Variants in TSC2 observed in about 807,000 individuals in gnomAD.
The protein encoded by TSC2 is TSC complex subunit 2.
A neutral mutation model predicts 202.2 loss-of-function variants in TSC2; 29 were observed. The ratio of observed to expected loss-of-function variants is 0.14; its 90% CI spans 0.11 to 0.20. TSC2 has a LOEUF of 0.20. Ranked by LOEUF, TSC2 falls within the 10% of genes least tolerant of loss-of-function variation. The probability of loss-of-function intolerance (pLI) is 1.00; values close to 1 mark genes in which losing one functional copy is unlikely to be tolerated. For missense variants in TSC2, 2,429 were observed against 2,420.0 expected (o/e 1.00, Z -0.08); for synonymous variants, 1,349 against 1,044.0 (o/e 1.29, Z -5.63).
Position 2,084,989 on chromosome 16 carries a change from GCGA to G in TSC2, c.4536_4538del (p.Asp1512del). On this transcript the variant is annotated inframe_deletion, in exon 35 of 42. Transcript: ENST00000219476. Reference sequence around the variant, plus strand: ...CAGCTCTACCATTCCCCCTTCTTTGGCGACGAGTCAAACAAGCCAATCCTGCTG... The same window carrying G: ...CAGCTCTACCATTCCCCCTTCTTTGGCGAGTCAAACAAGCCAATCCTGCTG... The G allele has an allele frequency of 1.2e-6, 2 of 1,613,266 alleles. No individual in the cohort carries two copies. The highest frequency in any genetic ancestry group is 2.2e-5 in the South Asian group (2 of 91,086).
Position 2,062,974 on chromosome 16 carries a change from G to A in TSC2, c.1364G>A (p.Ser455Asn), listed in dbSNP as rs1567432782. 1 of 1,550,474 alleles carries A rather than the reference G, an allele frequency of 6.4e-7. No homozygotes were observed. Among genetic ancestry groups the A allele is most frequent in the Non-Finnish European group, 8.7e-7 (1 of 1,146,818 alleles). The change falls in exon 14 of 42, where the codon AGC (serine) becomes AAC (asparagine). Residue 455 changes from serine (S) to asparagine (N), a missense_variant and splice_region_variant. Coordinates refer to ENST00000219476, the MANE Select transcript of TSC2 (RefSeq NM_000548.5). ...CCCAGCAGGCTGCCGTCCCGCAGGA[G>A]CGAGTCCCGAGGCGCCGTGCGCATC... ...LQALMERFFR[S>N]ESRGAVRIKV...
At position 2,053,906 on chromosome 16, in the gene TSC2, G is replaced by A. The variant is rs561765513; in HGVS notation, c.337-390G>A. On this transcript the variant is annotated intron_variant, in intron 4 of 41. Transcript: ENST00000219476. ...GCCACTTCTACTCCTTCATGTCCCA[G>A]CTGCTCAGAAGGGCCGTCCACTCTC... The A allele has an allele frequency of 5.1e-5, 23 of 447,036 alleles. No individual in the cohort carries two copies. The East Asian group carries it at 1.0e-3, about 20-fold the overall frequency. The allele number at this position is 447,036 out of a possible 1,614,324, so 27.7% of individuals were successfully genotyped here. A position where few individuals can be genotyped will look rare whatever the true frequency, so the allele number is the denominator to read the frequency against.
chr16:2,055,618 C>T, intron 6 of TSC2, 99 bp downstream of exon 6: 2 of 1,127,218 alleles, frequency 1.8e-6, no homozygotes, highest in South Asian at 2.5e-5. Context: ...TTGGGCTGGG[C>T]ACAATGGCTC....
In TSC2 at chr16:2,088,647, T is replaced by C. The variant is rs1345394159; in HGVS notation, c.*37T>C. 5 of 1,583,284 alleles carry C rather than the reference T, an allele frequency of 3.2e-6. No homozygotes were observed. Among genetic ancestry groups the C allele is most frequent in the East Asian group, 2.3e-5 (1 of 43,770 alleles). On this transcript the variant is annotated 3_prime_UTR_variant, in exon 42 of 42. Transcript: ENST00000219476. The stretch of plus-strand genomic sequence containing the variant: ...TCCCTCCTGCACTGGCCTTGGACGG[T>C]ATTGCCTGTCAGTGAAATAAATAAA...
At chr16:2,073,364 C>T (rs953092722) in intron 21 of TSC2, among the ~76,000 whole-genome samples, 4 of 152,232 alleles carry the variant, frequency 2.6e-5, no homozygotes, top group African/African-American at 9.6e-5. Context: ...CCTCCACGCC[C>T]CATCAGGTGC....
chr16:2,070,595 T>C lies in TSC2; in HGVS notation c.1839+17T>C. On this transcript the variant is annotated intron_variant, in intron 17 of 41. Coordinates refer to ENST00000219476, the MANE Select transcript of TSC2 (RefSeq NM_000548.5). The stretch of plus-strand genomic sequence containing the variant: ...CGGCTGCAGGTATGGTGGCTGGGGT[T>C]GCGCAGCCAGTTCCTGGGGGCCCAG... 1 of 1,612,830 alleles carries C rather than the reference T, an allele frequency of 6.2e-7. No homozygotes were observed. The highest frequency in any genetic ancestry group is 8.5e-7 in the Non-Finnish European group (1 of 1,179,928).
At chr16:2,056,515 G>T in intron 7 of TSC2, 129 bp from the exon 8 acceptor site, 1 of 1,409,160 alleles carries the variant, frequency 7.1e-7, no homozygotes, top group Non-Finnish European at 9.6e-7. Context: ...GTGGCTTGGA[G>T]AGAGGGTGCC....
chr16:2,075,838 C>G lies in TSC2; in HGVS notation c.2585C>G (p.Ala862Gly), dbSNP rs45517249. 3 of 1,613,088 alleles carry G rather than the reference C, an allele frequency of 1.9e-6. No homozygotes were observed. Among genetic ancestry groups the G allele is most frequent in the South Asian group, 2.2e-5 (2 of 91,088 alleles). ...CCGCACCTCTACAGGAACTTTGCCG[C>G]GGAGCAGTATGCCAGTGTGTTCGCC... ...RLPHLYRNFA[A>G]EQYASVFAIS... Residue 862 changes from alanine (A) to glycine (G), a missense_variant, in exon 23 of 42, where the codon GCG (alanine) becomes GGG (glycine). Ala to Gly is a moderately conservative substitution (Grantham distance 60). Transcript: ENST00000219476.
intron 2 of TSC2, among the ~76,000 whole-genome samples, chr16:2,049,861 T>C (rs2084879610): frequency 6.6e-6 from 1 of 152,130 alleles, no homozygotes; most frequent in African/African-American, 2.4e-5. Flanking sequence ...TATTTCATGT[T>C]ATGTTTTATC....
rs773240506 is a variant in TSC2, at chr16:2,081,683, C to T, written c.3699C>T (p.Asn1233=). The change falls in exon 31 of 42, where the codon AAC becomes AAT. Residue 1233 remains asparagine, a synonymous_variant. Coordinates refer to ENST00000219476, the MANE Select transcript of TSC2 (RefSeq NM_000548.5). Reference sequence around the variant, plus strand: ...ACATGCCCCTGCAGGAGCTGTCTAACGCCCTCATGGCGGCTGAGCGCTTCA... The same window carrying T: ...ACATGCCCCTGCAGGAGCTGTCTAATGCCCTCATGGCGGCTGAGCGCTTCA... ...INNMPLQELS[N]ALMAAERFKE... 3.0e-5 allele frequency: 49 copies of T among 1,612,890 alleles called. No homozygotes were observed. Among genetic ancestry groups the T allele is most frequent in the Middle Eastern group, 3.3e-4 (2 of 6,084 alleles).
rs906088028 is a variant in TSC2, at chr16:2,058,631, C to G, written c.849-116C>G. 67 of 1,478,850 alleles carry G rather than the reference C, an allele frequency of 4.5e-5. 1 individual carries two copies. The highest frequency in any genetic ancestry group is 9.9e-5 in the East Asian group (4 of 40,574). The allele number at this position is 1,478,850 out of a possible 1,614,324, so 91.6% of individuals were successfully genotyped here. On this transcript the variant is annotated intron_variant, in intron 9 of 41. Transcript: ENST00000219476. ...CCTTCCCCAGCGGTGCTCCTGCCCC[C>G]CCCAAGCACAGGGACCTCTGGGGCT...
At chr16:2,071,483 T>A in intron 17 of TSC2, 27 bp from the exon 18 acceptor site, 1 of 1,612,760 alleles carries the variant, frequency 6.2e-7, no homozygotes, top group South Asian at 1.1e-5. Context: ...AGCTTGGCTC[T>A]GGCTTTCACC....
Position 2,076,532 on chromosome 16 carries a change from C to G in TSC2, c.2784C>G (p.Pro928=), listed in dbSNP as rs45517267. 15 of 1,613,408 alleles carry G rather than the reference C, an allele frequency of 9.3e-6. No homozygotes were observed. Among genetic ancestry groups the G allele is most frequent in the Admixed American group, 3.3e-5 (2 of 59,996 alleles). ...SNVLLSFDDT[P]EKDSFRARST... Reference sequence around the variant, plus strand: ...TCCTCTTGTCTTTTGATGACACCCCCGAGAAGGACAGCTTCAGGGCCCGGA... The same window carrying G: ...TCCTCTTGTCTTTTGATGACACCCCGGAGAAGGACAGCTTCAGGGCCCGGA... The change falls in exon 25 of 42, where the codon CCC becomes CCG. Residue 928 remains proline (P), a synonymous_variant. Transcript: ENST00000219476.
At position 2,086,366 on chromosome 16, in the gene TSC2, T is replaced by G. The variant is rs2151576368; in HGVS notation, c.4836T>G (p.Asp1612Glu). The G allele has an allele frequency of 6.2e-7, 1 of 1,612,740 alleles. No individual in the cohort carries two copies. Among genetic ancestry groups the G allele is most frequent in the Non-Finnish European group, 8.5e-7 (1 of 1,179,890 alleles). The change falls in exon 37 of 42, where the codon GAT (aspartate) becomes GAG (glutamate). Residue 1612 changes from aspartate to glutamate, a missense_variant. Asp to Glu is a conservative substitution (Grantham distance 45). Transcript: ENST00000219476. Reference protein sequence around the residue: ...EDGQFTYCWHDDIMQAVFHIA... With the variant: ...EDGQFTYCWHEDIMQAVFHIA... ...GCCAGTTCACCTACTGCTGGCACGA[T>G]GACATCATGCAAGGTACGGCCTGGC...
In TSC2 at chr16:2,053,409, G is replaced by A. The variant is rs1478204355; in HGVS notation, c.293G>A (p.Arg98Gln). 5 of 1,587,464 alleles carry A rather than the reference G, an allele frequency of 3.1e-6. No homozygotes were observed. The highest frequency in any genetic ancestry group is 4.3e-6 in the Non-Finnish European group (5 of 1,167,940). ...LLQPERPLEA[R>Q]HAVLALLKAI... ...CAGCCGGAGCGGCCGCTGGAGGCCC[G>A]GCACGCGGTGCTGGCTCTGCTGAAG... Residue 98 changes from arginine to glutamine, a missense_variant, in exon 4 of 42, where the codon CGG (arginine) becomes CAG (glutamine). Arg to Gln is a conservative substitution (Grantham distance 43). Transcript: ENST00000219476.
chr16:2,055,833 G>T (rs2085731625), intron 6 of TSC2: 2 of 451,798 alleles, frequency 4.4e-6, no homozygotes, highest in Admixed American at 6.8e-5. Context: ...AGAGGTTGCA[G>T]TGAGCGGAGA....
chr16:2,083,317 C>T (rs1426490739), intron 32 of TSC2: 3 of 454,658 alleles, frequency 6.6e-6, no homozygotes, highest in African/African-American at 2.0e-5. Flanking sequence ...GTCACGGAGT[C>T]TCCGCAGCTC....
rs1213793365 is a variant in TSC2, at chr16:2,072,906, A to G, written c.2278A>G (p.Thr760Ala). Reference sequence around the variant, plus strand: ...AGGCGCCCCAGAAGGCTTCTCCAGAACTGACTTGCACCTGGCCGTGGTTCC... The same window carrying G: ...AGGCGCCCCAGAAGGCTTCTCCAGAGCTGACTTGCACCTGGCCGTGGTTCC... ...LRGAPEGFSR[T>A]DLHLAVVPVL... The change falls in exon 21 of 42, where the codon ACT becomes GCT. Residue 760 changes from threonine (T) to alanine (A), a missense_variant. By Grantham distance (58) the Thr-to-Ala change is moderately conservative. Coordinates refer to ENST00000219476, the MANE Select transcript of TSC2 (RefSeq NM_000548.5). The G allele has an allele frequency of 1.2e-6, 2 of 1,613,644 alleles. No homozygotes were observed. The highest frequency in any genetic ancestry group is 2.2e-5 in the East Asian group (1 of 44,886).
At chr16:2,059,206 C>T (rs544604823) in intron 10 of TSC2, among the ~76,000 whole-genome samples, 33 of 147,326 alleles carry the variant, frequency 2.2e-4, no homozygotes, top group Admixed American at 8.2e-4. Flanking sequence ...TTAGTAGAGA[C>T]GGGGTTTCGC....
Sources: allele counts gnomAD v4.1 joint callset (sites outside exome capture counted in the v4.1 genomes callset), GRCh38; gene constraint gnomAD v4.1.1; transcripts MANE v1.5; gene names NCBI Gene and HGNC (gene_info 2026-07-23, HGNC 2026-07-21).